Variants in SYDE2 observed in about 807,000 individuals in gnomAD.
SYDE2 encodes the protein synapse defective Rho GTPase homolog 2, also known as rho GTPase-activating protein SYDE2.
A neutral mutation model predicts 91.5 loss-of-function variants in SYDE2; 76 were observed. That is an observed-to-expected ratio of 0.83 (90% CI 0.69 to 1.01). The LOEUF (loss-of-function observed/expected upper bound fraction) is 1.01, where lower values mean the gene tolerates loss of function less well. Among genes scored for constraint, SYDE2 ranks in the 50% least tolerant of loss-of-function variants. The pLI, the probability that SYDE2 is intolerant of heterozygous loss-of-function variation, is 0.00. For missense variants in SYDE2, 1,364 were observed against 1,367.7 expected (o/e 1.00, Z 0.04); for synonymous variants, 513 against 506.4 (o/e 1.01, Z -0.18).
rs1478300533 is a variant in SYDE2 at position 85,182,592 on chromosome 1, C to A, written c.2050G>T (p.Val684Leu). ...CSQYISGLMS[V>L]HFYGAEDLKP... is the part of the protein sequence containing the mutation. ...AAATCCTCAGCACCATAGAAATGTA[C>A]ACTCATGAGCCCAGATATGTACTGT... The change falls in exon 3 of 7, where the codon GTA (valine) becomes TTA (leucine). Residue 684 changes from valine to leucine, a missense_variant. By Grantham distance (32) the Val-to-Leu change is conservative. Transcript: ENST00000341460. 6.2e-7 allele frequency: 1 copy of A among 1,613,900 alleles called. No homozygotes were observed. The highest frequency in any genetic ancestry group is 1.1e-5 in the South Asian group (1 of 91,080).
chr1:85,180,936 A>G (rs568509949), intron 3 of SYDE2, among the ~76,000 whole-genome samples: 61 of 152,146 alleles, frequency 4.0e-4, no homozygotes, highest in Non-Finnish European at 7.9e-4. Flanking sequence ...GATAAAAGAA[A>G]AAAACAGAAT....
chr1:85,167,460 T>TG (rs1429473994), intron 5 of SYDE2, among the ~76,000 whole-genome samples: 3 of 152,194 alleles, frequency 2.0e-5, no homozygotes, highest in Non-Finnish European at 4.4e-5. Flanking sequence ...AGTTATTGAC[T>TG]GATTGACTGA....
At chr1:85,154,352 A>C (rs1291504890), downstream of SYDE2, 1 of 143,298 alleles carries the variant, frequency 7.0e-6, no homozygotes, top group African/African-American at 2.6e-5. Flanking sequence ...CCAGACAGTT[A>C]TTTATTTTTC....
intron 1 of SYDE2, chr1:85,194,929 G>T (rs1256265190): frequency 1.7e-6 from 1 of 573,956 alleles, no homozygotes; most frequent in Non-Finnish European, 2.2e-6. Context: ...GGGAGGCCAA[G>T]GCGGGCGGAT....
intron 4 of SYDE2, among the ~76,000 whole-genome samples, chr1:85,173,796 A>G (rs934409566): frequency 1.3e-5 from 2 of 152,200 alleles, no homozygotes; most frequent in African/African-American, 4.8e-5. Flanking sequence ...TACACAATAG[A>G]ATTAGTAGAC....
chr1:85,163,442 A>AATCT (rs1179246373), intron 6 of SYDE2, among the ~76,000 whole-genome samples: 8 of 50,734 alleles, frequency 1.6e-4, no homozygotes, highest in Admixed American at 5.5e-4. Context: ...CTTGTACTTT[A>AATCT]ATCTATATAT....
chr1:85,185,440 G>A (rs1027245806), intron 2 of SYDE2, among the ~76,000 whole-genome samples: 3 of 151,642 alleles, frequency 2.0e-5, no homozygotes, highest in African/African-American at 4.8e-5. Context: ...CCATGAGCAT[G>A]GAATGTTCTT....
chr1:85,160,198 G>C, intron 6 of SYDE2: 5 of 983,900 alleles, frequency 5.1e-6, no homozygotes, highest in Non-Finnish European at 6.0e-6. Flanking sequence ...ACATAAATCA[G>C]TGATAACACA....
chr1:85,182,593 A>C lies in SYDE2; in HGVS notation c.2049T>G (p.Ser683Arg). ...AATCCTCAGCACCATAGAAATGTAC[A>C]CTCATGAGCCCAGATATGTACTGTG... ...KCSQYISGLM[S>R]VHFYGAEDLK... Residue 683 changes from serine (S) to arginine (R), a missense_variant, in exon 3 of 7, where the codon AGT becomes AGG. Physicochemically the swap from Ser to Arg is moderately radical, Grantham distance 110. Coordinates refer to ENST00000341460, the MANE Select transcript of SYDE2 (RefSeq NM_032184.2). 1 of 1,613,874 alleles carries C rather than the reference A, an allele frequency of 6.2e-7. No homozygotes were observed. The highest frequency in any genetic ancestry group is 8.5e-7 in the Non-Finnish European group (1 of 1,179,860).
At chr1:85,184,707 T>C (rs1191309051) in intron 2 of SYDE2, among the ~76,000 whole-genome samples, 2 of 151,754 alleles carry the variant, frequency 1.3e-5, no homozygotes, top group African/African-American at 2.4e-5. Context: ...CTACAAAAGA[T>C]ACAAAAAAAT....
Position 85,159,268 on chromosome 1 carries a change from T to G in SYDE2, c.3086-19A>C. 1 of 772,924 alleles carries G rather than the reference T, an allele frequency of 1.3e-6. No individual in the cohort carries two copies. The allele number at this position is 772,924 out of a possible 1,614,324, so 47.9% of individuals were successfully genotyped here. The stretch of plus-strand genomic sequence containing the variant: ...CGCTGCACTAGAAACAAACAATAAT[T>G]TTGCTTTAGTGACAGTAATCCAACT... On this transcript the variant is annotated intron_variant, in intron 6 of 6. Coordinates refer to ENST00000341460, the MANE Select transcript of SYDE2 (RefSeq NM_032184.2).
At chr1:85,195,092 A>G (rs1040830439) in intron 1 of SYDE2, among the ~76,000 whole-genome samples, 5 of 152,030 alleles carry the variant, frequency 3.3e-5, no homozygotes, top group Admixed American at 2.0e-4. Flanking sequence ...CCCGCGAGGC[A>G]GAGCTTGCAT....
chr1:85,188,183 T>C (rs1480601435), intron 2 of SYDE2, among the ~76,000 whole-genome samples: 1 of 152,122 alleles, frequency 6.6e-6, no homozygotes, highest in Non-Finnish European at 1.5e-5. Flanking sequence ...TCCCTATCAC[T>C]CCACCCTGAT....
intron 2 of SYDE2, among the ~76,000 whole-genome samples, chr1:85,187,599 A>T (rs1330120641): frequency 6.6e-6 from 1 of 150,958 alleles, no homozygotes; most frequent in Non-Finnish European, 1.5e-5. Flanking sequence ...CACAATAGCA[A>T]AGACTTGGAA....
rs534943176 is a variant in SYDE2, at chr1:85,190,299, G to A, written c.1199C>T (p.Pro400Leu). 1.2e-6 allele frequency: 2 copies of A among 1,613,930 alleles called. No homozygotes were observed. Among genetic ancestry groups the A allele is most frequent in the South Asian group, 2.2e-5 (2 of 91,086 alleles). ...GEADSAVLKL[P>L]AVNLSMLSGS... is the part of the protein sequence containing the mutation. Reference sequence around the variant, plus strand: ...AGACAACATGCTCAAATTGACAGCAGGGAGCTTCAGAACAGCAGAGTCGGC... The same window carrying A: ...AGACAACATGCTCAAATTGACAGCAAGGAGCTTCAGAACAGCAGAGTCGGC... The change falls in exon 2 of 7, where the codon CCT (proline) becomes CTT (leucine). Residue 400 changes from proline to leucine, a missense_variant. Pro to Leu is a moderately conservative substitution (Grantham distance 98, BLOSUM62 -3). Coordinates refer to ENST00000341460, the MANE Select transcript of SYDE2 (RefSeq NM_032184.2).
chr1:85,168,115 CA>C (rs147196368), intron 5 of SYDE2, among the ~76,000 whole-genome samples: 11,840 of 128,216 alleles, frequency 0.092, 474 homozygotes, highest in Middle Eastern at 0.15. Context: ...ACTCCTTCTT[CA>C]AAAAAAAAAA....
At chr1:85,162,977 G>A (rs1030930790) in intron 6 of SYDE2, among the ~76,000 whole-genome samples, 2 of 152,066 alleles carry the variant, frequency 1.3e-5, no homozygotes, top group African/African-American at 4.8e-5. Context: ...CAATTACCCT[G>A]AGAATCTTGA....
chr1:85,199,729 TTTTTGGTTGTGTG>T (rs1054879886), intron 1 of SYDE2, among the ~76,000 whole-genome samples: 1 of 151,722 alleles, frequency 6.6e-6, no homozygotes, highest in African/African-American at 2.4e-5. Context: ...TTTGTTTGGG[TTTTTGGTTGTGTG>T]TATGTATGCA....
At chr1:85,171,071 C>T (rs1004980099) in intron 4 of SYDE2, among the ~76,000 whole-genome samples, 57 of 152,026 alleles carry the variant, frequency 3.7e-4, no homozygotes, top group African/African-American at 1.3e-3. Flanking sequence ...AAATAGAGAA[C>T]GCAGGAGGAA....
Sources: allele counts gnomAD v4.1 joint callset (sites outside exome capture counted in the v4.1 genomes callset), GRCh38; gene constraint gnomAD v4.1.1; transcripts MANE v1.5; gene names NCBI Gene and HGNC (gene_info 2026-07-23, HGNC 2026-07-21).